RENBP: variants seen among roughly 807,000 people sequenced by gnomAD.
The protein encoded by RENBP is N-acylglucosamine 2-epimerase.
Under a neutral mutation model 37.8 loss-of-function variants are expected in RENBP, and 16 were observed. The ratio of observed to expected loss-of-function variants is 0.42; its 90% CI spans 0.29 to 0.64. RENBP has a LOEUF of 0.64. Among genes scored for constraint, RENBP ranks in the 30% least tolerant of loss-of-function variants. The pLI is 0.19. For missense variants in RENBP, 347 were observed against 379.5 expected (o/e 0.91, Z 0.71); for synonymous variants, 170 against 154.8 (o/e 1.10, Z -0.73).
chrX:153,935,372 A>T lies in RENBP; in HGVS notation c.1198T>A (p.Cys400Ser). The change falls in exon 11 of 11, where the codon TGC (cysteine) becomes AGC (serine). Residue 400 changes from cysteine to serine, a missense_variant. Cys to Ser is a moderately radical substitution (Grantham distance 112). Transcript: ENST00000393700. ...AGCAGGGCGCCCAGCATCTCCTCGCACATGGCTAGGCACCGCGGCACGTGG... is the reference window on the plus strand; with the variant it reads ...AGCAGGGCGCCCAGCATCTCCTCGCTCATGGCTAGGCACCGCGGCACGTGG... ...CFHVPRCLAM[C>S]EEMLGALLSR... is the part of the protein sequence containing the mutation. The T allele has an allele frequency of 8.8e-7, 1 of 1,131,801 alleles. No individual in the cohort carries two copies. The highest frequency in any genetic ancestry group is 1.2e-6 in the Non-Finnish European group (1 of 855,166). 93.3% of individuals were successfully genotyped at this position (1,131,801 alleles called of 1,213,427 possible). A position where few individuals can be genotyped will look rare whatever the true frequency, so the allele number is the denominator to read the frequency against.
chrX:153,940,077 G>C, intron 9 of RENBP, 25 bp downstream of exon 9: 3 of 1,208,987 alleles, frequency 2.5e-6, no homozygotes, highest in Non-Finnish European at 3.4e-6. Flanking sequence ...TCAGCCTCTA[G>C]AGGGGACAAG....
At chrX:153,944,033 G>C in intron 3 of RENBP, 47 bp downstream of exon 3, 1 of 1,203,910 alleles carries the variant, frequency 8.3e-7, no homozygotes. Context: ...GGAGACCTTT[G>C]AGGCGATGGG....
intron 9 of RENBP, chrX:153,935,867 C>T: frequency 3.2e-6 from 1 of 311,838 alleles, no homozygotes; most frequent in Non-Finnish European, 5.6e-6. Flanking sequence ...CTGTGGCTTG[C>T]GCCTGTAATC....
intron 5 of RENBP, 109 bp downstream of exon 5, chrX:153,943,437 C>A (rs1174144394): frequency 2.4e-6 from 2 of 828,566 alleles, no homozygotes; most frequent in East Asian, 3.4e-5. Context: ...GGGGACTTGG[C>A]CCACAGATGG....
intron 9 of RENBP, chrX:153,935,876 T>C (rs2065198017): frequency 6.6e-6 from 2 of 301,284 alleles, no homozygotes; most frequent in African/African-American, 5.4e-5. Context: ...GCGCCTGTAA[T>C]CCCAGCACTT....
chrX:153,941,924 G>A lies in RENBP; in HGVS notation c.769+26C>T, dbSNP rs782725956. 3 of 739,139 alleles carry A rather than the reference G, an allele frequency of 4.1e-6. No homozygotes were observed. The South Asian group carries it at 6.3e-5, about 15-fold the overall frequency. 60.9% of individuals were successfully genotyped at this position (739,139 alleles called of 1,213,427 possible). A position where few individuals can be genotyped will look rare whatever the true frequency, so the allele number is the denominator to read the frequency against. On this transcript the variant is annotated intron_variant, in intron 7 of 10. Coordinates refer to ENST00000393700, the MANE Select transcript of RENBP (RefSeq NM_002910.6). The stretch of plus-strand genomic sequence containing the variant: ...GCTCAGCGCTCCCCTCCTCCTGGGT[G>A]GCCCCCAGCCCACCCCGCCCCTCAC...
At chrX:153,936,085 A>T (rs2065199375) in intron 9 of RENBP, 1 of 150,444 alleles carries the variant, frequency 6.6e-6, no homozygotes. Context: ...GTGAGCTGAG[A>T]TCACGCCATT....
In RENBP at chrX:153,941,931, AGCCC is replaced by A; in HGVS notation, c.769+15_769+18del. On this transcript the variant is annotated intron_variant, in intron 7 of 10. Transcript: ENST00000393700. ...GCTCCCCTCCTCCTGGGTGGCCCCC[AGCCC>A]ACCCCGCCCCTCACCTGGGTTCTGC... 3.2e-6 allele frequency: 1 copy of A among 309,087 alleles called. No individual in the cohort carries two copies. The highest frequency in any genetic ancestry group is 4.5e-5 in the Admixed American group (1 of 22,045). The allele number at this position is 309,087 out of a possible 1,213,427, so 25.5% of individuals were successfully genotyped here.
intron 9 of RENBP, among the ~76,000 whole-genome samples, chrX:153,938,163 T>A (rs974455900): frequency 8.9e-6 from 1 of 112,710 alleles, no homozygotes; most frequent in Admixed American, 9.4e-5. Flanking sequence ...CATTAAATAT[T>A]AAGATATAGC....
chrX:153,943,858 G>A (rs782496718), intron 4 of RENBP, 37 bp downstream of exon 4: 21 of 1,165,140 alleles, frequency 1.8e-5, no homozygotes, highest in African/African-American at 5.3e-5. Context: ...AAACATGGAC[G>A]GAGTCACTGG....
Position 153,944,371 on chromosome X carries a change from C to T in RENBP, c.75G>A (p.Val25=). 8.3e-7 allele frequency: 1 copy of T among 1,211,751 alleles called. No individual in the cohort carries two copies. Among genetic ancestry groups the T allele is most frequent in the South Asian group, 1.8e-5 (1 of 57,023 alleles). ...RETLQAWKER[V]GQELDRVVAF... ...CCACCACGCGGTCCAGCTCCTGCCC[C>T]ACGCGCTCCTTCCAGGCCTGCAGAG... The change falls in exon 2 of 11, where the codon GTG becomes GTA. Residue 25 remains valine (V), a synonymous_variant. Coordinates refer to ENST00000393700, the MANE Select transcript of RENBP (RefSeq NM_002910.6).
At position 153,942,927 on chromosome X, in the gene RENBP, T is replaced by G. The variant is rs995478307; in HGVS notation, c.615A>C (p.Ala205=). The change falls in exon 6 of 11, where the codon GCA becomes GCC. Residue 205 remains alanine, a synonymous_variant. Transcript: ENST00000393700. ...CGTATTTGCCCGCCAGCTCCTCATC[T>G]GCCTCCCCGAGCTGCTCCACCAGGT... ...LLNLVEQLGE[A]DEELAGKYAE... is the part of the protein sequence containing the mutation. 9.9e-6 allele frequency: 12 copies of G among 1,209,753 alleles called. No individual in the cohort carries two copies. Among genetic ancestry groups the G allele is most frequent in the Non-Finnish European group, 1.3e-5 (12 of 894,892 alleles).
Position 153,941,994 on chromosome X carries a change from C to T in RENBP, c.725G>A (p.Gly242Asp), listed in dbSNP as rs2065228990. 2 of 1,206,870 alleles carry T rather than the reference C, an allele frequency of 1.7e-6. No individual in the cohort carries two copies. The highest frequency in any genetic ancestry group is 2.2e-6 in the Non-Finnish European group (2 of 892,774). The stretch of plus-strand genomic sequence containing the variant: ...CAGGCAGCCAGGAAGTTCCTTGCCA[C>T]CCTCTGACACATTCTCCAGCACAGC... The part of the protein sequence containing the change: ...GQAVLENVSE[G>D]GKELPGCLGR... The change falls in exon 7 of 11, where the codon GGT becomes GAT. Residue 242 changes from glycine (G) to aspartate (D), a missense_variant. Gly to Asp is a moderately conservative substitution (Grantham distance 94). This residue lies in a region of RENBP where 244 missense variants were observed against 279.4 expected (regional missense o/e 0.87). Coordinates refer to ENST00000393700, the MANE Select transcript of RENBP (RefSeq NM_002910.6).
At chrX:153,944,520 T>C in intron 1 of RENBP, 64 bp downstream of exon 1, 1 of 1,168,786 alleles carries the variant, frequency 8.6e-7, no homozygotes, top group Non-Finnish European at 1.2e-6. Context: ...TGCACGGGGC[T>C]TCAGACGTCA....
intron 6 of RENBP, chrX:153,942,565 C>T (rs1557109742): frequency 2.6e-6 from 1 of 379,445 alleles, no homozygotes. Context: ...ATCCTCACTT[C>T]TGGCCTGATC....
intron 9 of RENBP, among the ~76,000 whole-genome samples, chrX:153,939,462 T>C (rs951279088): frequency 1.8e-5 from 2 of 111,889 alleles, no homozygotes; most frequent in Admixed American, 9.4e-5. Flanking sequence ...GACTCAGGAA[T>C]CCCACTGCTG....
chrX:153,935,570 C>T lies in RENBP; in HGVS notation c.1084G>A (p.Asp362Asn). 1 of 1,207,795 alleles carries T rather than the reference C, an allele frequency of 8.3e-7. No homozygotes were observed. Among genetic ancestry groups the T allele is most frequent in the Non-Finnish European group, 1.1e-6 (1 of 892,502 alleles). The change falls in exon 10 of 11, where the codon GAT (aspartate) becomes AAT (asparagine). Residue 362 changes from aspartate to asparagine, a missense_variant. Coordinates refer to ENST00000393700, the MANE Select transcript of RENBP (RefSeq NM_002910.6). ...VAEYTFRQFR[D>N]PEYGEWFGYL... is the part of the protein sequence containing the mutation. The stretch of plus-strand genomic sequence containing the variant: ...CCAAACCATTCCCCGTACTCGGGAT[C>T]GCGAAACTGGAATAACAGAGACAGT...
At chrX:153,936,283 G>A (rs1325288990) in intron 9 of RENBP, among the ~76,000 whole-genome samples, 2 of 110,100 alleles carry the variant, frequency 1.8e-5, no homozygotes, top group African/African-American at 3.3e-5. Context: ...CGAGGCGGGC[G>A]GATCACAAGG....
At chrX:153,939,962 T>A (rs1280705484) in intron 9 of RENBP, 140 bp downstream of exon 9, 1 of 788,463 alleles carries the variant, frequency 1.3e-6, no homozygotes, top group African/African-American at 2.1e-5. Flanking sequence ...CTTCGTTGAC[T>A]GAACGAACAG....
Sources: gnomAD v4.1 joint callset for allele counts (sites outside exome capture counted in the v4.1 genomes callset) on GRCh38, gnomAD v4.1.1 for gene constraint, gnomAD v4.1.1 regional missense constraint, MANE v1.5 for transcripts, NCBI Gene and HGNC (gene_info 2026-07-23, HGNC 2026-07-21) for gene names.